The following KALRN variants were observed in gnomAD, a reference collection of about 807,000 sequenced individuals.
The protein encoded by KALRN is kalirin.
Under a neutral mutation model 353.7 loss-of-function variants are expected in KALRN, and 70 were observed. That is an observed-to-expected ratio of 0.20 (90% CI 0.16 to 0.24). The LOEUF is 0.24. KALRN is among the 10% of genes least tolerant of loss of function. The pLI is 1.00. For missense variants in KALRN, 2,791 were observed against 3,756.7 expected, an observed-to-expected ratio of 0.74 and a Z score of 6.72; for synonymous variants, 1,391 against 1,434.8, an observed-to-expected ratio of 0.97 and a Z score of 0.69.
chr3:124,463,238 A>G (rs1461532177), intron 25 of KALRN, among the ~76,000 whole-genome samples: 1 of 152,268 alleles, frequency 6.6e-6, no homozygotes, highest in East Asian at 1.9e-4. Flanking sequence ...AAAAATTGGC[A>G]TGATAAGTTA....
chr3:124,450,716 C>G (rs2058691350), intron 21 of KALRN, among the ~76,000 whole-genome samples: 1 of 152,064 alleles, frequency 6.6e-6, no homozygotes, highest in Admixed American at 6.5e-5. Flanking sequence ...GTGCTTGCCA[C>G]CAGGTCTGGC....
intron 6 of KALRN, among the ~76,000 whole-genome samples, chr3:124,315,670 C>T (rs1427201326): frequency 6.6e-6 from 1 of 151,934 alleles, no homozygotes; most frequent in East Asian, 1.9e-4. Context: ...TTGACCCACC[C>T]ACTTACACAT....
In KALRN at chr3:124,109,433, C is replaced by T. The variant is rs1412737739; in HGVS notation, c.73+75620C>T. On this transcript the variant is annotated intron_variant, in intron 1 of 59. Coordinates refer to ENST00000682506, the MANE Select transcript of KALRN (RefSeq NM_001388419.1). ...GTATTTTTTAGTGCTAAAATCCCTTCCCTATTTAATTATTTCCCAAATCAC... is the reference window on the plus strand; with the variant it reads ...GTATTTTTTAGTGCTAAAATCCCTTTCCTATTTAATTATTTCCCAAATCAC... Among the ~76,000 whole-genome samples the T allele has an allele frequency of 2.6e-5, 4 of 151,998 alleles. No homozygotes were observed. The East Asian group carries it at 5.8e-4, about 22-fold the overall frequency.
At chr3:124,330,028 A>G in intron 8 of KALRN, 36 bp downstream of exon 8, 1 of 1,606,642 alleles carries the variant, frequency 6.2e-7, no homozygotes. Context: ...GTTCTTGGGC[A>G]TGTCTGCATG....
intron 46 of KALRN, 78 bp from the exon 47 acceptor site, chr3:124,666,934 A>T: frequency 7.0e-7 from 1 of 1,426,576 alleles, no homozygotes. Context: ...TGAAATAGAA[A>T]CTTTGAGGAA....
chr3:124,332,730 ACTGT>A (rs2149450724), intron 8 of KALRN, among the ~76,000 whole-genome samples: 1 of 152,288 alleles, frequency 6.6e-6, no homozygotes, highest in African/African-American at 2.4e-5. Context: ...TGGTGTGTCC[ACTGT>A]CTAAGTGTCC....
At chr3:124,709,195 T>C (rs892741925) in intron 57 of KALRN, among the ~76,000 whole-genome samples, 23 of 152,102 alleles carry the variant, frequency 1.5e-4, no homozygotes, top group Non-Finnish European at 2.9e-4. Flanking sequence ...TAAAAGATAA[T>C]ATTGAAATTA....
intron 33 of KALRN, among the ~76,000 whole-genome samples, chr3:124,530,516 T>G (rs1471546442): frequency 6.6e-6 from 1 of 152,112 alleles, no homozygotes; most frequent in African/African-American, 2.4e-5. Flanking sequence ...TTCAGCCTCT[T>G]GAGTAGCTGG....
chr3:124,271,007 T>G (rs1322201152), intron 5 of KALRN, among the ~76,000 whole-genome samples: 1 of 151,784 alleles, frequency 6.6e-6, no homozygotes, highest in East Asian at 1.9e-4. Flanking sequence ...TTTTTTGTAT[T>G]TTTTTAGTAG....
intron 37 of KALRN, among the ~76,000 whole-genome samples, chr3:124,639,856 G>A (rs1003242307): frequency 2.6e-5 from 4 of 152,178 alleles, no homozygotes; most frequent in African/African-American, 9.7e-5. Flanking sequence ...CCAAGCTCAC[G>A]TCACAGAAAG....
intron 15 of KALRN, among the ~76,000 whole-genome samples, chr3:124,424,973 C>A (rs1378275535): frequency 6.6e-6 from 1 of 152,190 alleles, no homozygotes; most frequent in Non-Finnish European, 1.5e-5. Flanking sequence ...CTGGCCCCCA[C>A]TCTTGCCATG....
chr3:124,550,639 C>A (rs2070372252), intron 33 of KALRN, among the ~76,000 whole-genome samples: 1 of 152,088 alleles, frequency 6.6e-6, no homozygotes, highest in Non-Finnish European at 1.5e-5. Flanking sequence ...CTACTTAGTG[C>A]CACTAGACCT....
rs191227179 is a variant in KALRN, at chr3:124,190,050, G to A, written c.74-37940G>A. Among the ~76,000 whole-genome samples the A allele has an allele frequency of 2.0e-5, 3 of 152,074 alleles. No individual in the cohort carries two copies. The East Asian group carries it at 5.8e-4, about 29-fold the overall frequency. ...AGCGACAATTATTTCTCCATTTTCT[G>A]TATATAGGCACTGAAGAATGTAGGA... On this transcript the variant is annotated intron_variant, in intron 1 of 59. Transcript: ENST00000682506.
chr3:124,329,530 T>G (rs1375213845), intron 7 of KALRN, among the ~76,000 whole-genome samples: 1 of 152,210 alleles, frequency 6.6e-6, no homozygotes, highest in Non-Finnish European at 1.5e-5. Context: ...CTCTAATGTA[T>G]CCGTGGAATG....
At chr3:124,572,834 T>G (rs2073692091) in intron 34 of KALRN, among the ~76,000 whole-genome samples, 1 of 152,128 alleles carries the variant, frequency 6.6e-6, no homozygotes, top group Non-Finnish European at 1.5e-5. Context: ...GCCCAGGAGT[T>G]CCAGACCAGC....
intron 18 of KALRN, 104 bp downstream of exon 18, chr3:124,439,141 T>C (rs113675409): frequency 3.4e-6 from 4 of 1,161,536 alleles, no homozygotes; most frequent in South Asian, 1.6e-5. Context: ...TTCTCTCTCT[T>C]TCTCTTTCTC....
chr3:124,477,174 G>C (rs2061506129), intron 26 of KALRN, 71 bp from the exon 27 acceptor site: 1 of 1,090,204 alleles, frequency 9.2e-7, no homozygotes, highest in Non-Finnish European at 1.4e-6. Context: ...CCCTTGCTGG[G>C]TCCTTCAGCA....
intron 3 of KALRN, among the ~76,000 whole-genome samples, chr3:124,235,700 G>A (rs1054411144): frequency 1.3e-5 from 2 of 152,198 alleles, no homozygotes; most frequent in African/African-American, 4.8e-5. Context: ...CAGCCCCGGT[G>A]CTCTCTCACC....
At chr3:124,683,572 A>C (rs939116226) in intron 51 of KALRN, among the ~76,000 whole-genome samples, 1 of 152,224 alleles carries the variant, frequency 6.6e-6, no homozygotes, top group African/African-American at 2.4e-5. Flanking sequence ...AATTACATGC[A>C]TTTTAACTAA....
Sources: allele counts gnomAD v4.1 joint callset (sites outside exome capture counted in the v4.1 genomes callset), GRCh38; gene constraint gnomAD v4.1.1; transcripts MANE v1.5; gene names NCBI Gene and HGNC (gene_info 2026-07-23, HGNC 2026-07-21).